The following ARL15 variants were observed in gnomAD, a reference collection of about 807,000 sequenced individuals.
ARL15 encodes ARF like GTPase 15.
In ARL15, 19 loss-of-function variants were observed where a neutral mutation model predicts 25.2. That is an observed-to-expected ratio of 0.75 (90% CI 0.53 to 1.10). ARL15 has a LOEUF of 1.10. Among genes scored for constraint, ARL15 ranks in the 50% least tolerant of loss-of-function variants. The pLI, the probability that ARL15 is intolerant of heterozygous loss-of-function variation, is 0.00. For synonymous variants in ARL15, 94 were observed against 86.8 expected (o/e 1.08, Z -0.46); for missense variants, 220 against 246.0 (o/e 0.89, Z 0.71).
chr5:54,299,325 C>A (rs537806437), intron 1 of ARL15, among the ~76,000 whole-genome samples: 1 of 152,276 alleles, frequency 6.6e-6, no homozygotes, highest in African/African-American at 2.4e-5. Context: ...ACAACTGAAC[C>A]CTCATGCATG....
chr5:54,111,284 T>C (rs1384487057), intron 4 of ARL15, among the ~76,000 whole-genome samples: 1 of 152,052 alleles, frequency 6.6e-6, no homozygotes, highest in Non-Finnish European at 1.5e-5. Context: ...TACACAAGTT[T>C]AGAATCATTT....
intron 1 of ARL15, among the ~76,000 whole-genome samples, chr5:54,191,804 T>G (rs186651002): frequency 3.1e-4 from 47 of 152,286 alleles, no homozygotes; most frequent in African/African-American, 1.1e-3. Context: ...AACCTCCGTA[T>G]AGTCTATTTA....
Position 54,205,924 on chromosome 5 carries a change from A to C in ARL15, c.49-33996T>G, listed in dbSNP as rs542785295. ...GACATGAACACTGTTTAATACTTAA[A>C]AAGTATCTAGTGGAACAGACTAAAT... On this transcript the variant is annotated intron_variant, in intron 1 of 4. Coordinates refer to ENST00000504924, the MANE Select transcript of ARL15 (RefSeq NM_019087.3). Among the ~76,000 whole-genome samples the C allele has an allele frequency of 4.6e-5, 7 of 152,270 alleles. 1 individual carries two copies. In the Middle Eastern group the frequency reaches 0.02, roughly 444 times the overall value.
chr5:54,086,678 A>T (rs1354426678), intron 4 of ARL15, among the ~76,000 whole-genome samples: 4 of 152,150 alleles, frequency 2.6e-5, no homozygotes, highest in African/African-American at 9.7e-5. Context: ...TACATGCTAT[A>T]GCCAAAAAAT....
intron 1 of ARL15, among the ~76,000 whole-genome samples, chr5:54,189,528 A>G (rs1404081574): frequency 6.6e-6 from 1 of 152,214 alleles, no homozygotes; most frequent in Non-Finnish European, 1.5e-5. Flanking sequence ...AAGGGTGAAA[A>G]GATCATTCAG....
intron 3 of ARL15, among the ~76,000 whole-genome samples, chr5:54,144,061 T>C (rs1171332387): frequency 1.3e-5 from 2 of 152,068 alleles, no homozygotes; most frequent in African/African-American, 4.8e-5. Flanking sequence ...AAAGCTATTT[T>C]ATGTGTGCAT....
chr5:54,229,069 T>G (rs1022862466), intron 1 of ARL15, among the ~76,000 whole-genome samples: 5 of 152,086 alleles, frequency 3.3e-5, no homozygotes, highest in Admixed American at 6.5e-5. Flanking sequence ...TCACACAGAT[T>G]TTCTTACTAC....
At chr5:54,080,833 A>C (rs1017232658) in intron 4 of ARL15, among the ~76,000 whole-genome samples, 1 of 152,116 alleles carries the variant, frequency 6.6e-6, no homozygotes, top group Non-Finnish European at 1.5e-5. Context: ...GGGGACCTGA[A>C]CGTTTTCTAA....
At chr5:54,178,930 G>T (rs1473204815) in intron 1 of ARL15, among the ~76,000 whole-genome samples, 3 of 152,076 alleles carry the variant, frequency 2.0e-5, no homozygotes, top group African/African-American at 4.8e-5. Context: ...GGGAGGGGCG[G>T]GTGTCCTAGT....
At chr5:54,114,649 A>C (rs965604571) in intron 3 of ARL15, among the ~76,000 whole-genome samples, 2 of 152,168 alleles carry the variant, frequency 1.3e-5, no homozygotes, top group Admixed American at 6.5e-5. Context: ...AGGCAGACAG[A>C]GGTAAAGTAA....
chr5:54,162,970 C>T (rs889016468), intron 2 of ARL15, among the ~76,000 whole-genome samples: 1 of 152,170 alleles, frequency 6.6e-6, no homozygotes, highest in Non-Finnish European at 1.5e-5. Context: ...ACATCCATGT[C>T]TTATTCCTGA....
intron 4 of ARL15, among the ~76,000 whole-genome samples, chr5:53,910,914 C>T (rs1434136064): frequency 6.6e-6 from 1 of 151,780 alleles, no homozygotes; most frequent in East Asian, 1.9e-4. Flanking sequence ...TCTTGTATTT[C>T]AATATTTTAT....
chr5:54,172,738 G>A (rs1409286779), intron 1 of ARL15, among the ~76,000 whole-genome samples: 1 of 152,200 alleles, frequency 6.6e-6, no homozygotes, highest in Admixed American at 6.5e-5. Flanking sequence ...TGAGTAAAGA[G>A]AATAGAGGAA....
intron 1 of ARL15, among the ~76,000 whole-genome samples, chr5:54,303,689 G>A (rs1359931025): frequency 1.5e-5 from 2 of 130,664 alleles, no homozygotes; most frequent in Admixed American, 1.7e-4. Flanking sequence ...AAGAGGAGAG[G>A]AAAAAAAGAA....
Position 54,218,960 on chromosome 5 carries a change from G to A in ARL15, c.49-47032C>T, listed in dbSNP as rs138577909. Among the ~76,000 whole-genome samples, 225 of 146,630 alleles carry A rather than the reference G, an allele frequency of 1.5e-3. 1 individual carries two copies. Among genetic ancestry groups the A allele is most frequent in the African/African-American group, 5.1e-3 (206 of 40,078 alleles). ...ATAATTTTGGTCTATGGATTTTAACGTTTTACGGAAAAACTGCTACTGCTG... is the reference window on the plus strand; with the variant it reads ...ATAATTTTGGTCTATGGATTTTAACATTTTACGGAAAAACTGCTACTGCTG... On this transcript the variant is annotated intron_variant, in intron 1 of 4. Coordinates refer to ENST00000504924, the MANE Select transcript of ARL15 (RefSeq NM_019087.3).
intron 1 of ARL15, among the ~76,000 whole-genome samples, chr5:54,183,861 C>A (rs1476163491): frequency 6.0e-5 from 9 of 150,536 alleles, no homozygotes; most frequent in Non-Finnish European, 1.2e-4. Context: ...AAATGTCCAA[C>A]AATGATAGAC....
intron 1 of ARL15, among the ~76,000 whole-genome samples, chr5:54,251,115 A>G (rs1197020260): frequency 6.9e-6 from 1 of 145,520 alleles, no homozygotes; most frequent in African/African-American, 2.4e-5. Flanking sequence ...AGAGGCTTAG[A>G]AAGTGATTCA....
chr5:53,944,400 C>T (rs929018107), intron 4 of ARL15, among the ~76,000 whole-genome samples: 4 of 152,038 alleles, frequency 2.6e-5, no homozygotes. Context: ...CGTTTGAGCC[C>T]AGGAGTTTGA....
chr5:54,236,613 C>A lies in ARL15; in HGVS notation c.49-64685G>T, dbSNP rs143211444. ...AACTTAGGTAGATGGAGCAGACTGG[C>A]CAAAAATAAATTTCTATTGGCAACA... On this transcript the variant is annotated intron_variant, in intron 1 of 4. Coordinates refer to ENST00000504924, the MANE Select transcript of ARL15 (RefSeq NM_019087.3). Among the ~76,000 whole-genome samples, 1,520 of 152,276 alleles carry A rather than the reference C, an allele frequency of 1.0e-2. 30 individuals carry two copies. Among genetic ancestry groups the A allele is most frequent in the African/African-American group, 0.035 (1,459 of 41,558 alleles).
Sources: gnomAD v4.1 joint callset for allele counts (sites outside exome capture counted in the v4.1 genomes callset) on GRCh38, gnomAD v4.1.1 for gene constraint, MANE v1.5 for transcripts, NCBI Gene and HGNC (gene_info 2026-07-23, HGNC 2026-07-21) for gene names.